The following RCL1 variants were observed in gnomAD, a reference collection of about 807,000 sequenced individuals.
The protein encoded by RCL1 is RNA 3'-terminal phosphate cyclase-like protein.
Under a neutral mutation model 42.4 loss-of-function variants are expected in RCL1, and 24 were observed. That is an observed-to-expected ratio of 0.57 (90% CI 0.41 to 0.80). The LOEUF (loss-of-function observed/expected upper bound fraction) is 0.80, where lower values mean the gene tolerates loss of function less well. RCL1 is among the 30% of genes least tolerant of loss of function. The pLI, the probability that RCL1 is intolerant of heterozygous loss-of-function variation, is 0.00. For missense variants in RCL1, 578 were observed against 467.9 expected, an observed-to-expected ratio of 1.24 and a Z score of -2.17; for synonymous variants, 228 against 177.3, an observed-to-expected ratio of 1.29 and a Z score of -2.27.
At chr9:4,852,618 T>G (rs1817790121) in intron 8 of RCL1, among the ~76,000 whole-genome samples, 1 of 152,130 alleles carries the variant, frequency 6.6e-6, no homozygotes, top group South Asian at 2.1e-4. Context: ...GGTCCTGAAG[T>G]CCTGGACTTG....
intron 2 of RCL1, 54 bp from the exon 3 acceptor site, chr9:4,826,804 G>T (rs1816777872): frequency 6.8e-7 from 1 of 1,481,198 alleles, no homozygotes. Flanking sequence ...CATTACCTTT[G>T]TGACATTTTA....
chr9:4,814,621 C>A, intron 1 of RCL1, among the ~76,000 whole-genome samples: 1 of 151,990 alleles, frequency 6.6e-6, no homozygotes, highest in Non-Finnish European at 1.5e-5. Context: ...TTTTTTCTTC[C>A]CGTCTTATTG....
chr9:4,833,394 A>G (rs1365117831), intron 4 of RCL1, among the ~76,000 whole-genome samples, 166 bp downstream of exon 4: 1 of 152,206 alleles, frequency 6.6e-6, no homozygotes, highest in Non-Finnish European at 1.5e-5. Context: ...TTGAACTGAA[A>G]GGGACCCTTT....
chr9:4,826,925 T>C lies in RCL1; in HGVS notation c.276T>C (p.Leu92=). 2.5e-6 allele frequency: 4 copies of C among 1,614,164 alleles called. No homozygotes were observed. Among genetic ancestry groups the C allele is most frequent in the Non-Finnish European group, 3.4e-6 (4 of 1,180,002 alleles). ...CTGTGGAACATGACTGTAGCGTCCTTCGTGGCATTGGGTATTACCTGGAGA... is the reference window on the plus strand; with the variant it reads ...CTGTGGAACATGACTGTAGCGTCCTCCGTGGCATTGGGTATTACCTGGAGA... ...GGSVEHDCSV[L]RGIGYYLESL... Residue 92 remains leucine (L), a synonymous_variant, in exon 3 of 9, where the codon CTT becomes CTC. Coordinates refer to ENST00000381750, the MANE Select transcript of RCL1 (RefSeq NM_005772.5).
intron 1 of RCL1, among the ~76,000 whole-genome samples, chr9:4,805,411 G>GGGAAGA (rs1815892610): frequency 6.6e-6 from 1 of 151,872 alleles, no homozygotes; most frequent in African/African-American, 2.4e-5. Flanking sequence ...GAAGGGGAAG[G>GGGAAGA]GGAAGGGGAA....
rs767438290 is a variant in RCL1 at position 4,849,482 on chromosome 9, G to C, written c.903G>C (p.Ala301=). The C allele has an allele frequency of 5.6e-6, 9 of 1,613,954 alleles. No homozygotes were observed. Among genetic ancestry groups the C allele is most frequent in the Non-Finnish European group, 5.1e-6 (6 of 1,179,960 alleles). Residue 301 remains alanine (A), a synonymous_variant, in exon 8 of 9, where the codon GCG becomes GCC. Coordinates refer to ENST00000381750, the MANE Select transcript of RCL1 (RefSeq NM_005772.5). Reference sequence around the variant, plus strand: ...TAGACTCGACCAACCAAAGCCTGGCGCTACTACTCATGACCCTTGGACAGC... The same window carrying C: ...TAGACTCGACCAACCAAAGCCTGGCCCTACTACTCATGACCCTTGGACAGC... ...GCVDSTNQSL[A]LLLMTLGQQD...
At chr9:4,794,707 G>T (rs1440299462) in intron 1 of RCL1, among the ~76,000 whole-genome samples, 1 of 151,530 alleles carries the variant, frequency 6.6e-6, no homozygotes, top group African/African-American at 2.4e-5. Context: ...AATGAATCTA[G>T]TTCTATTTAG....
At chr9:4,827,304 G>C in intron 3 of RCL1, 1 of 1,198,100 alleles carries the variant, frequency 8.3e-7, no homozygotes, top group Non-Finnish European at 1.1e-6. Flanking sequence ...TCTCATCATA[G>C]TTGACATGAA....
In RCL1 at chr9:4,793,349, G is replaced by C. The variant is rs918191906; in HGVS notation, c.136+122G>C. ...GGCGTCCGGCGAGCGCGTCGGGGAG[G>C]GCAGGTGGCGCGTCGCCTCCAAAGC... is the stretch of plus-strand genomic sequence containing the variant. On this transcript the variant is annotated intron_variant, in intron 1 of 8. Coordinates refer to ENST00000381750, the MANE Select transcript of RCL1 (RefSeq NM_005772.5). 2.6e-6 allele frequency: 3 copies of C among 1,175,426 alleles called. No homozygotes were observed. In the African/African-American group the frequency reaches 4.9e-5, roughly 19 times the overall value. 72.8% of individuals were successfully genotyped at this position (1,175,426 alleles called of 1,614,324 possible).
chr9:4,824,260 C>G (rs1474924182), intron 2 of RCL1, among the ~76,000 whole-genome samples: 3 of 152,146 alleles, frequency 2.0e-5, no homozygotes, highest in East Asian at 3.8e-4. Flanking sequence ...CACCTCTTTC[C>G]TCTTCCATTC....
rs962196025 is a variant in RCL1, at chr9:4,829,810, C to T, written c.384+2777C>T. Among the ~76,000 whole-genome samples the T allele has an allele frequency of 5.9e-5, 9 of 152,168 alleles. 1 individual carries two copies. Among genetic ancestry groups the T allele is most frequent in the Non-Finnish European group, 1.0e-4 (7 of 68,038 alleles). The stretch of plus-strand genomic sequence containing the variant: ...ATTATGATAGGGCAGTGTGACAATA[C>T]TGAATGGTGGTTCCTCCATGACAGC... On this transcript the variant is annotated intron_variant, in intron 3 of 8. Transcript: ENST00000381750.
intron 6 of RCL1, among the ~76,000 whole-genome samples, chr9:4,841,869 A>T (rs1215796460): frequency 6.6e-6 from 1 of 152,216 alleles, no homozygotes; most frequent in Non-Finnish European, 1.5e-5. Context: ...ATTAGAAAAA[A>T]ATTCTAAGTA....
At chr9:4,851,234 G>A (rs1817738100) in intron 8 of RCL1, among the ~76,000 whole-genome samples, 4 of 152,134 alleles carry the variant, frequency 2.6e-5, no homozygotes, top group Admixed American at 2.6e-4. Context: ...TGAAAACAGT[G>A]TCCTGCTCTG....
chr9:4,796,572 T>A lies in RCL1; in HGVS notation c.136+3345T>A, dbSNP rs539854637. On this transcript the variant is annotated intron_variant, in intron 1 of 8. Transcript: ENST00000381750. ...CACAGCATCTAGTTGATTTTTAAAATTTTTTTTGTAGAGATGGGGTGTTGT... is the reference window on the plus strand; with the variant it reads ...CACAGCATCTAGTTGATTTTTAAAAATTTTTTTGTAGAGATGGGGTGTTGT... Among the ~76,000 whole-genome samples the A allele has an allele frequency of 6.6e-5, 10 of 152,076 alleles. 1 individual carries two copies. The highest frequency in any genetic ancestry group is 3.4e-3 in the Middle Eastern group (1 of 294).
chr9:4,834,702 T>A (rs1219481515), intron 5 of RCL1, among the ~76,000 whole-genome samples: 2 of 150,938 alleles, frequency 1.3e-5, no homozygotes, highest in Non-Finnish European at 2.9e-5. Flanking sequence ...AGTGGTCAAT[T>A]TTGTCTGGAG....
intron 6 of RCL1, among the ~76,000 whole-genome samples, chr9:4,843,445 A>T (rs1817401801): frequency 6.6e-6 from 1 of 152,010 alleles, no homozygotes; most frequent in Admixed American, 6.5e-5. Flanking sequence ...AAACTATACC[A>T]GTGCATATCT....
chr9:4,795,981 C>A (rs751466012), intron 1 of RCL1, among the ~76,000 whole-genome samples: 2 of 152,110 alleles, frequency 1.3e-5, no homozygotes, highest in South Asian at 2.1e-4. Flanking sequence ...GCAGACACTT[C>A]CCTGAAAGTT....
At chr9:4,802,074 A>G (rs1385099438) in intron 1 of RCL1, among the ~76,000 whole-genome samples, 2 of 95,458 alleles carry the variant, frequency 2.1e-5, no homozygotes, top group African/African-American at 7.7e-5. Context: ...ACGCCTGGCT[A>G]TTTTTTTTTT....
At chr9:4,850,508 T>TTA (rs1228633315) in intron 8 of RCL1, 1 of 233,284 alleles carries the variant, frequency 4.3e-6, no homozygotes, top group Non-Finnish European at 9.5e-6. Context: ...TTTTTTTTTT[T>TTA]TTGGAATTCG....
Sources: allele counts gnomAD v4.1 joint callset (sites outside exome capture counted in the v4.1 genomes callset), GRCh38; gene constraint gnomAD v4.1.1; transcripts MANE v1.5; gene names NCBI Gene and HGNC (gene_info 2026-07-23, HGNC 2026-07-21).